Variants in DUOX2 observed in about 807,000 individuals in gnomAD.
DUOX2 encodes dual oxidase 2.
A neutral mutation model predicts 183.3 loss-of-function variants in DUOX2; 185 were observed. That is an observed-to-expected ratio of 1.01 (90% CI 0.90 to 1.14). DUOX2 has a LOEUF of 1.14. DUOX2 is among the 50% of genes most tolerant of loss of function. The pLI, the probability that DUOX2 is intolerant of heterozygous loss-of-function variation, is 0.00. For synonymous variants in DUOX2, 788 were observed against 812.4 expected, an observed-to-expected ratio of 0.97 and a Z score of 0.51; for missense variants, 1,999 against 2,022.9, an observed-to-expected ratio of 0.99 and a Z score of 0.23.
Position 45,099,744 on chromosome 15 carries a change from C to G in DUOX2, c.3333G>C (p.Glu1111Asp). 2 of 1,614,170 alleles carry G rather than the reference C, an allele frequency of 1.2e-6. No homozygotes were observed. Among genetic ancestry groups the G allele is most frequent in the Non-Finnish European group, 8.5e-7 (1 of 1,180,048 alleles). The part of the protein sequence containing the change: ...MCRNLITFLR[E>D]TFLNRYVPFD... ...AAGGCACATAGCGGTTGAGGAAAGT[C>G]TCTCGCAGGAAGGTTATGAGGTTGC... The change falls in exon 25 of 34, where the codon GAG (glutamate) becomes GAC (aspartate). Residue 1111 changes from glutamate (E) to aspartate (D), a missense_variant. Physicochemically the swap from Glu to Asp is conservative, Grantham distance 45. Around this residue, in one of 3 missense-constraint regions of DUOX2, gnomAD observed 1,628 missense variants for 1,608.6 expected, o/e 1.01. Transcript: ENST00000389039.
chr15:45,105,972 G>T, intron 17 of DUOX2, 144 bp from the exon 18 acceptor site: 1 of 1,374,198 alleles, frequency 7.3e-7, no homozygotes, highest in Non-Finnish European at 1.0e-6. Context: ...GGACGAAGGG[G>T]GTCAGGTTGT....
chr15:45,101,047 A>G, intron 22 of DUOX2, 158 bp downstream of exon 22: 3 of 747,260 alleles, frequency 4.0e-6, no homozygotes, highest in Non-Finnish European at 7.1e-6. Context: ...CGAGCAGCAT[A>G]GGGTGAGAGA....
chr15:45,100,918 G>A (rs1285060008), intron 22 of DUOX2, 80 bp from the exon 23 acceptor site: 10 of 972,178 alleles, frequency 1.0e-5, no homozygotes, highest in Non-Finnish European at 1.6e-5. Context: ...ATGGGGTAGA[G>A]GTAGGGAGTG....
chr15:45,110,818 A>G, intron 7 of DUOX2, 108 bp from the exon 8 acceptor site: 1 of 1,552,050 alleles, frequency 6.4e-7, no homozygotes, highest in Admixed American at 1.9e-5. Context: ...AGGAAGGGTC[A>G]ATCATGGGAG....
intron 24 of DUOX2, 58 bp from the exon 25 acceptor site, chr15:45,099,950 G>C (rs1363126323): frequency 6.2e-7 from 1 of 1,610,806 alleles, no homozygotes; most frequent in African/African-American, 1.3e-5. Context: ...CCCGAGCCCT[G>C]GGCTCTCCCA....
chr15:45,106,614 G>T lies in DUOX2; in HGVS notation c.1859C>A (p.Ala620Asp). ...LVSLLLSGVV[A>D]YFRGREHKKL... The stretch of plus-strand genomic sequence containing the variant: ...CTTGTGTTCTCGGCCCCGGAAATAG[G>T]CCACCACTCCAGAGAGAAGCAGACT... The change falls in exon 16 of 34, where the codon GCC (alanine) becomes GAC (aspartate). Residue 620 changes from alanine to aspartate, a missense_variant. This residue lies in a region of DUOX2 where 1,628 missense variants were observed against 1,608.6 expected (regional missense o/e 1.01). Coordinates refer to ENST00000389039, the MANE Select transcript of DUOX2 (RefSeq NM_001363711.2). 6.2e-7 allele frequency: 1 copy of T among 1,614,116 alleles called. No homozygotes were observed. Among genetic ancestry groups the T allele is most frequent in the Non-Finnish European group, 8.5e-7 (1 of 1,180,032 alleles).
Position 45,113,085 on chromosome 15 carries a change from A to C in DUOX2, c.71-9T>G. 2 of 1,613,106 alleles carry C rather than the reference A, an allele frequency of 1.2e-6. No individual in the cohort carries two copies. The highest frequency in any genetic ancestry group is 8.5e-7 in the Non-Finnish European group (1 of 1,179,554). On this transcript the variant is annotated splice_polypyrimidine_tract_variant and intron_variant, in intron 2 of 33. Coordinates refer to ENST00000389039, the MANE Select transcript of DUOX2 (RefSeq NM_001363711.2). ...GAGTGCGTCCTGACTGCCTGTGGGCACAGAGAAGGGCCTCCTCAGCACTAC... is the reference window on the plus strand; with the variant it reads ...GAGTGCGTCCTGACTGCCTGTGGGCCCAGAGAAGGGCCTCCTCAGCACTAC...
At chr15:45,103,437 C>A in intron 20 of DUOX2, among the ~76,000 whole-genome samples, 1 of 152,090 alleles carries the variant, frequency 6.6e-6, no homozygotes, top group East Asian at 1.9e-4. Context: ...GAATGAGAAG[C>A]ACAAAGCTGT....
rs758809829 is a variant in DUOX2 at position 45,094,241 on chromosome 15, G to A, written c.4556C>T (p.Pro1519Leu). 1 of 1,614,058 alleles carries A rather than the reference G, an allele frequency of 6.2e-7. No homozygotes were observed. Among genetic ancestry groups the A allele is most frequent in the African/African-American group, 1.3e-5 (1 of 74,914 alleles). Residue 1519 changes from proline (P) to leucine (L), a missense_variant, in exon 34 of 34, where the codon CCT becomes CTT. This residue lies in a region of DUOX2 where 1,628 missense variants were observed against 1,608.6 expected (regional missense o/e 1.01). Coordinates refer to ENST00000389039, the MANE Select transcript of DUOX2 (RefSeq NM_001363711.2). Reference protein sequence around the residue: ...VRKIGVFSCGPPGMTKNVEKA... With the variant: ...VRKIGVFSCGLPGMTKNVEKA... Reference sequence around the variant, plus strand: ...CTCTACATTCTTGGTCATTCCTGGAGGGCCGCAGCTGAACACCCCGATCTT... The same window carrying A: ...CTCTACATTCTTGGTCATTCCTGGAAGGCCGCAGCTGAACACCCCGATCTT...
At chr15:45,107,850 C>CAAAAAAAAAAAAAAAAAAAAA (rs36025213) in intron 13 of DUOX2, among the ~76,000 whole-genome samples, 197 bp downstream of exon 13, 1 of 48,856 alleles carries the variant, frequency 2.0e-5, no homozygotes, top group Non-Finnish European at 3.6e-5. Context: ...GACTCTGCCT[C>CAAAAAAAAAAAAAAAAAAAAA]AAAAAAAAAA....
chr15:45,112,101 A>G (rs1181614709), intron 4 of DUOX2, 146 bp from the exon 5 acceptor site: 11 of 950,382 alleles, frequency 1.2e-5, no homozygotes, highest in Non-Finnish European at 1.8e-5. Flanking sequence ...AGCCCCAGGT[A>G]GCCTCAATTT....
rs1893800185 is a variant in DUOX2 at position 45,092,923 on chromosome 15, GC to G, written c.*1226del. The G allele has an allele frequency of 6.6e-6, 1 of 152,204 alleles. No homozygotes were observed. The highest frequency in any genetic ancestry group is 2.4e-5 in the African/African-American group (1 of 41,438). 9.4% of individuals were successfully genotyped at this position (152,204 alleles called of 1,614,324 possible). On this transcript the variant is annotated 3_prime_UTR_variant, in exon 34 of 34. Coordinates refer to ENST00000389039, the MANE Select transcript of DUOX2 (RefSeq NM_001363711.2). The stretch of plus-strand genomic sequence containing the variant: ...ATCACATCAGTGGTTGCTTCTAGGA[GC>G]TAGGGGAGACGAAGTGGAAGGGGGT...
At chr15:45,106,728 G>T in intron 15 of DUOX2, 87 bp from the exon 16 acceptor site, 1 of 1,609,702 alleles carries the variant, frequency 6.2e-7, no homozygotes. Context: ...CCCTTCCAGA[G>T]GTTCCTTGAG....
chr15:45,109,521 C>G lies in DUOX2; in HGVS notation c.1234+3G>C. Reference sequence around the variant, plus strand: ...CATCCACCCCTTCTGGCTCTGAGCTCACCCCTCAGATCTTCAACCACTATG... The same window carrying G: ...CATCCACCCCTTCTGGCTCTGAGCTGACCCCTCAGATCTTCAACCACTATG... On this transcript the variant is annotated splice_donor_region_variant and intron_variant, in intron 11 of 33. Transcript: ENST00000389039. The G allele has an allele frequency of 6.2e-7, 1 of 1,613,706 alleles. No homozygotes were observed. The highest frequency in any genetic ancestry group is 2.2e-5 in the East Asian group (1 of 44,878).
At position 45,097,254 on chromosome 15, in the gene DUOX2, C is replaced by G; in HGVS notation, c.3831G>C (p.Ala1277=). The change falls in exon 29 of 34, where the codon GCG becomes GCC. Residue 1277 remains alanine (A), a synonymous_variant. Coordinates refer to ENST00000389039, the MANE Select transcript of DUOX2 (RefSeq NM_001363711.2). ...GCCTGATACCTGAGGGCAGCAGCTC[C>G]GCCTTCACCACGCTGATCTCCACCT... is the stretch of plus-strand genomic sequence containing the variant. The part of the protein sequence containing the change: ...RKKVEISVVK[A]ELLPSGVTYL... 6.2e-7 allele frequency: 1 copy of G among 1,614,186 alleles called. No homozygotes were observed. Among genetic ancestry groups the G allele is most frequent in the South Asian group, 1.1e-5 (1 of 91,078 alleles).
chr15:45,112,817 G>A (rs1894480749), intron 3 of DUOX2, 99 bp from the exon 4 acceptor site: 3 of 1,578,824 alleles, frequency 1.9e-6, no homozygotes, highest in Non-Finnish European at 2.6e-6. Flanking sequence ...CCACTTCACT[G>A]ACAGAACCTT....
chr15:45,104,161 T>A lies in DUOX2; in HGVS notation c.2539A>T (p.Ile847Phe). ...CTACCTTTCATGAAGACCACCAGGATGTCCAGGAACTCTCGGAAGGACAGG... is the reference window on the plus strand; with the variant it reads ...CTACCTTTCATGAAGACCACCAGGAAGTCCAGGAACTCTCGGAAGGACAGG... ...GYLSFREFLD[I>F]LVVFMKGSPE... Residue 847 changes from isoleucine to phenylalanine, a missense_variant, in exon 19 of 34, where the codon ATC becomes TTC. This residue lies in a region of DUOX2 where 1,628 missense variants were observed against 1,608.6 expected (regional missense o/e 1.01). Coordinates refer to ENST00000389039, the MANE Select transcript of DUOX2 (RefSeq NM_001363711.2). 6.2e-7 allele frequency: 1 copy of A among 1,614,178 alleles called. No individual in the cohort carries two copies. The highest frequency in any genetic ancestry group is 8.5e-7 in the Non-Finnish European group (1 of 1,180,020).
chr15:45,105,938 C>T, intron 17 of DUOX2, 110 bp from the exon 18 acceptor site: 1 of 1,482,180 alleles, frequency 6.7e-7, no homozygotes, highest in Non-Finnish European at 9.2e-7. Context: ...CCTCCCCATC[C>T]ATCCAGGCTG....
intron 29 of DUOX2, among the ~76,000 whole-genome samples, chr15:45,096,505 T>C (rs1327285264): frequency 6.6e-6 from 1 of 152,226 alleles, no homozygotes; most frequent in African/African-American, 2.4e-5. Flanking sequence ...CAGGGAACTT[T>C]ATTGCTAAGG....
Sources: allele counts gnomAD v4.1 joint callset (sites outside exome capture counted in the v4.1 genomes callset), GRCh38; gene constraint gnomAD v4.1.1; regional missense constraint gnomAD v4.1.1; transcripts MANE v1.5; gene names NCBI Gene and HGNC (gene_info 2026-07-23, HGNC 2026-07-21).